EPB41: variants seen among roughly 807,000 people sequenced by gnomAD.
EPB41 encodes the protein protein 4.1.
Under a neutral mutation model 108.0 loss-of-function variants are expected in EPB41, and 65 were observed. The observed-to-expected ratio is 0.60, with a 90% CI of 0.49 to 0.74. The LOEUF (loss-of-function observed/expected upper bound fraction) is 0.74, where lower values mean the gene tolerates loss of function less well. EPB41 is among the 30% of genes least tolerant of loss of function. The pLI, the probability that EPB41 is intolerant of heterozygous loss-of-function variation, is 0.00. For missense variants in EPB41, 875 were observed against 1,037.0 expected (o/e 0.84, Z 2.15); for synonymous variants, 336 against 358.9 (o/e 0.94, Z 0.72).
At chr1:28,933,428 C>T (rs145446293) in intron 1 of EPB41, among the ~76,000 whole-genome samples, 8 of 152,282 alleles carry the variant, frequency 5.3e-5, no homozygotes, top group African/African-American at 1.9e-4. Context: ...CAATGTTTAG[C>T]TGACTTCAAA....
chr1:28,901,906 A>G (rs1442042509), intron 1 of EPB41, among the ~76,000 whole-genome samples: 1 of 152,162 alleles, frequency 6.6e-6, no homozygotes, highest in African/African-American at 2.4e-5. Flanking sequence ...ATTTTTATCC[A>G]TAGCACTTAT....
At chr1:28,966,907 G>A (rs545933480) in intron 1 of EPB41, among the ~76,000 whole-genome samples, 33 of 152,034 alleles carry the variant, frequency 2.2e-4, no homozygotes, top group Middle Eastern at 3.4e-3. Flanking sequence ...CTGGTCAGTG[G>A]ATGATCTAAC....
chr1:29,022,983 A>G (rs533200146), intron 7 of EPB41, among the ~76,000 whole-genome samples: 3 of 152,102 alleles, frequency 2.0e-5, no homozygotes, highest in African/African-American at 7.2e-5. Flanking sequence ...TTAAAAAGTA[A>G]TGGGATTACC....
intron 1 of EPB41, among the ~76,000 whole-genome samples, chr1:28,936,204 C>T (rs933745682): frequency 2.6e-5 from 4 of 152,100 alleles, no homozygotes; most frequent in Non-Finnish European, 5.9e-5. Flanking sequence ...AAATTAGAAG[C>T]ACAATCTAAA....
intron 16 of EPB41, among the ~76,000 whole-genome samples, chr1:29,067,132 A>C (rs960347054): frequency 2.0e-5 from 3 of 149,914 alleles, no homozygotes; most frequent in Admixed American, 1.3e-4. Context: ...AGGCGGGCTG[A>C]TCACTTGAGG....
chr1:28,940,789 T>A (rs2094250878), intron 1 of EPB41, among the ~76,000 whole-genome samples: 1 of 152,190 alleles, frequency 6.6e-6, no homozygotes, highest in Non-Finnish European at 1.5e-5. Context: ...AGAGTTTGGA[T>A]GTATGTTGTG....
At chr1:29,059,347 T>C (rs536343556) in intron 14 of EPB41, among the ~76,000 whole-genome samples, 9 of 152,190 alleles carry the variant, frequency 5.9e-5, no homozygotes, top group Non-Finnish European at 1.3e-4. Context: ...TAGCAAAATA[T>C]GTTTTTAAGC....
At chr1:28,947,761 G>T (rs1048694436) in intron 1 of EPB41, among the ~76,000 whole-genome samples, 3 of 152,140 alleles carry the variant, frequency 2.0e-5, no homozygotes, top group Non-Finnish European at 4.4e-5. Context: ...GGAGTCGGAG[G>T]TTGCAGTGAG....
chr1:29,034,858 T>C (rs187404677), intron 9 of EPB41, among the ~76,000 whole-genome samples: 3 of 152,254 alleles, frequency 2.0e-5, no homozygotes, highest in East Asian at 3.9e-4. Flanking sequence ...AGAGACTAGA[T>C]TTTAAGTTTT....
At chr1:29,105,326 C>T (rs1290101795) in intron 17 of EPB41, among the ~76,000 whole-genome samples, 1 of 152,204 alleles carries the variant, frequency 6.6e-6, no homozygotes, top group Admixed American at 6.5e-5. Context: ...CAACCTCCAC[C>T]TCCCAGATTC....
intron 17 of EPB41, among the ~76,000 whole-genome samples, chr1:29,103,876 AGGCTGGTTT>A (rs1666265814): frequency 6.6e-6 from 1 of 152,196 alleles, no homozygotes; most frequent in African/African-American, 2.4e-5. Context: ...CACGTTGGTC[AGGCTGGTTT>A]CGAATGCCTG....
rs1671325769 is a variant in EPB41 at position 29,118,328 on chromosome 1, C to T, written c.*1516C>T. 1 of 152,242 alleles carries T rather than the reference C, an allele frequency of 6.6e-6. No individual in the cohort carries two copies. The highest frequency in any genetic ancestry group is 1.5e-5 in the Non-Finnish European group (1 of 68,082). 9.4% of individuals were successfully genotyped at this position (152,242 alleles called of 1,614,324 possible). Reference sequence around the variant, plus strand: ...TTCACCTTGTTAGGCTGGTCTCGAACTCCTGACCTCAGGTGATCCACCCAC... The same window carrying T: ...TTCACCTTGTTAGGCTGGTCTCGAATTCCTGACCTCAGGTGATCCACCCAC... On this transcript the variant is annotated 3_prime_UTR_variant, in exon 21 of 21. Coordinates refer to ENST00000343067, the MANE Select transcript of EPB41 (RefSeq NM_001376013.1).
intron 3 of EPB41, among the ~76,000 whole-genome samples, chr1:28,995,151 CACTA>C (rs1268263350): frequency 1.3e-5 from 2 of 151,918 alleles, no homozygotes; most frequent in South Asian, 2.1e-4. Context: ...CTGCTTCTTG[CACTA>C]ACTAATTTAG....
At chr1:29,032,245 A>T (rs2096799796) in intron 8 of EPB41, among the ~76,000 whole-genome samples, 2 of 152,190 alleles carry the variant, frequency 1.3e-5, no homozygotes, top group Non-Finnish European at 1.5e-5. Context: ...ATTTTGCTTC[A>T]CAATTCCTGC....
chr1:29,021,946 G>A (rs910126762), intron 7 of EPB41, among the ~76,000 whole-genome samples: 4 of 152,022 alleles, frequency 2.6e-5, no homozygotes, highest in African/African-American at 9.7e-5. Flanking sequence ...ATTCGGACTC[G>A]GTTATTTGAC....
chr1:28,931,823 C>T (rs755889396), intron 1 of EPB41, among the ~76,000 whole-genome samples: 84 of 152,086 alleles, frequency 5.5e-4, no homozygotes, highest in Admixed American at 3.3e-3. Flanking sequence ...CGTGAGCCAC[C>T]GCGCCCGACC....
intron 19 of EPB41, among the ~76,000 whole-genome samples, chr1:29,113,122 A>C (rs1669765994): frequency 6.6e-6 from 1 of 152,010 alleles, no homozygotes. Context: ...CTGAGTGCTA[A>C]AATTCTATAT....
At chr1:28,927,293 G>A (rs543065200) in intron 1 of EPB41, among the ~76,000 whole-genome samples, 21 of 152,266 alleles carry the variant, frequency 1.4e-4, no homozygotes, top group Non-Finnish European at 2.9e-4. Context: ...TTTTGGAGAA[G>A]CGCATATTGT....
chr1:28,939,572 T>C (rs1041257099), intron 1 of EPB41, among the ~76,000 whole-genome samples: 1 of 151,934 alleles, frequency 6.6e-6, no homozygotes, highest in African/African-American at 2.4e-5. Flanking sequence ...GCCTCCCGAG[T>C]AGCTGGGATT....
Sources: gnomAD v4.1 joint callset for allele counts (sites outside exome capture counted in the v4.1 genomes callset) on GRCh38, gnomAD v4.1.1 for gene constraint, MANE v1.5 for transcripts, NCBI Gene and HGNC (gene_info 2026-07-23, HGNC 2026-07-21) for gene names.